SAMD5: variants seen among roughly 807,000 people sequenced by gnomAD.
SAMD5 encodes the protein sterile alpha motif domain-containing protein 5.
A neutral mutation model predicts 11.3 loss-of-function variants in SAMD5; 13 were observed. That is an observed-to-expected ratio of 1.15 (90% confidence interval 0.75 to 1.83). The LOEUF (loss-of-function observed/expected upper bound fraction) is 1.83. Among genes scored for constraint, SAMD5 ranks in the 40% most tolerant of loss-of-function variants. SAMD5 has a pLI of 0.00. For missense variants in SAMD5, 255 were observed against 239.1 expected, an observed-to-expected ratio of 1.07 and a Z score of -0.44; for synonymous variants, 129 against 111.3, an observed-to-expected ratio of 1.16 and a Z score of -1.00.
At chr6:147,712,616 G>A (rs1791415366) in intron 1 of SAMD5, among the ~76,000 whole-genome samples, 1 of 152,090 alleles carries the variant, frequency 6.6e-6, no homozygotes, top group South Asian at 2.1e-4. Context: ...TCTTGAGGGT[G>A]GCACTCTTTT....
chr6:147,775,474 C>T, the SAMD5 span, among the ~76,000 whole-genome samples: 1 of 152,192 alleles, frequency 6.6e-6, no homozygotes, highest in Admixed American at 6.5e-5. Context: ...AGTACTCACA[C>T]ATCACTATTC....
intron 1 of SAMD5, among the ~76,000 whole-genome samples, chr6:147,689,957 C>T (rs530837265): frequency 6.6e-6 from 1 of 152,260 alleles, no homozygotes; most frequent in South Asian, 2.1e-4. Flanking sequence ...AAAGAGAATT[C>T]TGTTTCCTTG....
the SAMD5 span, among the ~76,000 whole-genome samples, chr6:147,918,791 G>A: frequency 6.8e-6 from 1 of 148,096 alleles, no homozygotes; most frequent in African/African-American, 2.5e-5. Flanking sequence ...TCTGCCTCCT[G>A]GGTTCAAGCA....
chr6:147,527,959 T>C (rs1294201721), intron 1 of SAMD5, among the ~76,000 whole-genome samples: 3 of 152,084 alleles, frequency 2.0e-5, no homozygotes, highest in African/African-American at 7.2e-5. Context: ...GCATCTTACA[T>C]GGCAGGAACA....
chr6:147,642,641 G>A (rs1178493212), intron 1 of SAMD5, among the ~76,000 whole-genome samples: 1 of 152,154 alleles, frequency 6.6e-6, no homozygotes, highest in East Asian at 1.9e-4. Flanking sequence ...TCATTTTCCA[G>A]ATAAGAAAAA....
chr6:147,588,514 C>T (rs565202118), intron 1 of SAMD5, among the ~76,000 whole-genome samples: 1 of 151,896 alleles, frequency 6.6e-6, no homozygotes, highest in Non-Finnish European at 1.5e-5. Context: ...TTAGTAGAGA[C>T]AGGGTCTCAT....
chr6:147,554,815 G>A (rs183412461), intron 1 of SAMD5, among the ~76,000 whole-genome samples: 1 of 152,276 alleles, frequency 6.6e-6, no homozygotes, highest in Non-Finnish European at 1.5e-5. Context: ...TGCTGATTTT[G>A]TGATGCCTAC....
the SAMD5 span, among the ~76,000 whole-genome samples, chr6:147,799,611 G>C: frequency 3.3e-5 from 5 of 151,544 alleles, no homozygotes; most frequent in Non-Finnish European, 4.4e-5. Context: ...TCTGAACTTT[G>C]GCCTGCCTTA....
chr6:147,658,937 C>A (rs1415371531), intron 1 of SAMD5, among the ~76,000 whole-genome samples: 1 of 152,180 alleles, frequency 6.6e-6, no homozygotes, highest in Non-Finnish European at 1.5e-5. Flanking sequence ...ATATAATTTA[C>A]TCAGTTAATG....
In SAMD5 at chr6:147,567,554, A is replaced by T. The variant is rs1156230787; in HGVS notation, c.*3098A>T. 5 of 892,732 alleles carry T rather than the reference A, an allele frequency of 5.6e-6. No homozygotes were observed. Among genetic ancestry groups the T allele is most frequent in the Non-Finnish European group, 6.7e-6 (5 of 745,574 alleles). 55.3% of individuals were successfully genotyped at this position (892,732 alleles called of 1,614,324 possible). On this transcript the variant is annotated 3_prime_UTR_variant, in exon 2 of 2. Transcript: ENST00000367474. ...TAAAATGGGAAAAATAAATACCTCTATAGCTCTTAAGAGGCTTAAGAGTTC... is the reference window on the plus strand; with the variant it reads ...TAAAATGGGAAAAATAAATACCTCTTTAGCTCTTAAGAGGCTTAAGAGTTC...
chr6:147,867,510 A>G, the SAMD5 span, among the ~76,000 whole-genome samples: 1 of 152,092 alleles, frequency 6.6e-6, no homozygotes, highest in Non-Finnish European at 1.5e-5. Flanking sequence ...ATGGGATGGA[A>G]TGATTTCTAT....
At chr6:147,540,428 C>G (rs982620912) in intron 1 of SAMD5, among the ~76,000 whole-genome samples, 4 of 152,144 alleles carry the variant, frequency 2.6e-5, no homozygotes, top group African/African-American at 9.7e-5. Context: ...AAATTCCTGT[C>G]CTCTGGATGG....
chr6:147,739,986 ATTTTTGTAT>A (rs1383951222), downstream of SAMD5, among the ~76,000 whole-genome samples: 4 of 151,320 alleles, frequency 2.6e-5, no homozygotes, highest in Non-Finnish European at 5.9e-5. Flanking sequence ...CGCCCGGCCA[ATTTTTGTAT>A]TTTTAGTAGA....
chr6:147,789,100 C>CAA, the SAMD5 span, among the ~76,000 whole-genome samples: 1 of 136,346 alleles, frequency 7.3e-6, no homozygotes. Flanking sequence ...AACAAACAAA[C>CAA]AAAAAAAAAA....
At chr6:147,623,248 C>T (rs1210105324) in intron 1 of SAMD5, among the ~76,000 whole-genome samples, 1 of 152,214 alleles carries the variant, frequency 6.6e-6, no homozygotes, top group Non-Finnish European at 1.5e-5. Flanking sequence ...CCCAGACACC[C>T]CAGAGCCTGT....
chr6:147,593,389 G>A (rs1024836048), intron 1 of SAMD5, among the ~76,000 whole-genome samples: 1 of 152,080 alleles, frequency 6.6e-6, no homozygotes, highest in African/African-American at 2.4e-5. Flanking sequence ...TAAGGGGAAG[G>A]GGTGAGAAAC....
At chr6:147,598,449 G>A (rs181914512) in intron 1 of SAMD5, among the ~76,000 whole-genome samples, 17 of 152,236 alleles carry the variant, frequency 1.1e-4, no homozygotes, top group Admixed American at 3.9e-4. Context: ...GAAAAAGCAT[G>A]GTTCTCTTTC....
downstream of SAMD5, chr6:147,570,120 C>A: frequency 3.1e-6 from 2 of 637,144 alleles, no homozygotes; most frequent in Non-Finnish European, 3.9e-6. Context: ...TTATGGTATG[C>A]ATTATGGTCA....
chr6:147,672,041 G>T (rs940736851), intron 1 of SAMD5, among the ~76,000 whole-genome samples: 1 of 151,700 alleles, frequency 6.6e-6, no homozygotes, highest in Admixed American at 6.6e-5. Context: ...GAGCGTTTAC[G>T]TGTTTACAAT....
Sources: gnomAD v4.1 joint callset for allele counts (sites outside exome capture counted in the v4.1 genomes callset) on GRCh38, gnomAD v4.1.1 for gene constraint, MANE v1.5 for transcripts, NCBI Gene and HGNC (gene_info 2026-07-23, HGNC 2026-07-21) for gene names.